Variants in HIVEP3 observed in about 807,000 individuals in gnomAD.
HIVEP3 encodes the protein HIVEP zinc finger 3.
In HIVEP3, 49 loss-of-function variants were observed where a neutral mutation model predicts 152.8. The ratio of observed to expected loss-of-function variants is 0.32; its 90% CI spans 0.26 to 0.41. The LOEUF (loss-of-function observed/expected upper bound fraction) is 0.41, where lower values mean the gene tolerates loss of function less well. Ranked by LOEUF, HIVEP3 falls within the 10% of genes least tolerant of loss-of-function variation. The pLI, the probability that HIVEP3 is intolerant of heterozygous loss-of-function variation, is 1.00. For synonymous variants in HIVEP3, 1,269 were observed against 1,289.0 expected, an observed-to-expected ratio of 0.98 and a Z score of 0.33; for missense variants, 2,790 against 3,103.3, an observed-to-expected ratio of 0.90 and a Z score of 2.40.
intron 1 of HIVEP3, among the ~76,000 whole-genome samples, chr1:41,905,200 T>G (rs1426141159): frequency 6.6e-6 from 1 of 152,284 alleles, no homozygotes; most frequent in African/African-American, 2.4e-5. Context: ...TAGTTTATAG[T>G]TATGTTTTTC....
chr1:41,529,617 ACCCCACACC>A (rs1360921160), intron 5 of HIVEP3, among the ~76,000 whole-genome samples: 2 of 57,754 alleles, frequency 3.5e-5, no homozygotes, highest in East Asian at 5.0e-4. Flanking sequence ...CACATCACTC[ACCCCACACC>A]CCCCACACCC....
At chr1:41,752,714 G>A (rs2124227111) in intron 1 of HIVEP3, among the ~76,000 whole-genome samples, 1 of 152,352 alleles carries the variant, frequency 6.6e-6, no homozygotes, top group South Asian at 2.1e-4. Context: ...AGGTGATTCT[G>A]AGGCACTCTC....
intron 1 of HIVEP3, among the ~76,000 whole-genome samples, chr1:41,770,049 A>C (rs912290927): frequency 5.3e-5 from 8 of 152,154 alleles, no homozygotes; most frequent in Non-Finnish European, 8.8e-5. Context: ...GCTCACTGCA[A>C]GCTCTGCCTC....
intron 5 of HIVEP3, among the ~76,000 whole-genome samples, chr1:41,541,656 T>C (rs1643534851): frequency 6.6e-6 from 1 of 152,194 alleles, no homozygotes; most frequent in Admixed American, 6.5e-5. Context: ...CCACCTTTTC[T>C]ATGGGCAGTA....
In HIVEP3 at chr1:41,803,494, T is replaced by C. The variant is rs192188898; in HGVS notation, c.-800-102499A>G. Among the ~76,000 whole-genome samples the C allele has an allele frequency of 2.2e-3, 342 of 152,302 alleles. 1 individual carries two copies. Among genetic ancestry groups the C allele is most frequent in the Middle Eastern group, 0.01 (3 of 294 alleles). On this transcript the variant is annotated intron_variant, in intron 1 of 8. Coordinates refer to ENST00000372583, the MANE Select transcript of HIVEP3 (RefSeq NM_024503.5). Reference sequence around the variant, plus strand: ...TGTCCTAACAGGATTGGCCCTGACATGTCTGCAAAGTGAGTCTTCCACACC... The same window carrying C: ...TGTCCTAACAGGATTGGCCCTGACACGTCTGCAAAGTGAGTCTTCCACACC...
At chr1:41,865,872 C>T (rs114948223) in intron 1 of HIVEP3, among the ~76,000 whole-genome samples, 1,948 of 151,762 alleles carry the variant, frequency 0.013, 35 homozygotes, top group African/African-American at 0.045. Flanking sequence ...TGGGATTTGG[C>T]AAAAAGGAAA....
rs533353098 is a variant in HIVEP3 at position 41,510,828 on chromosome 1, C to G, written c.6844G>C (p.Gly2282Arg). 1.2e-6 allele frequency: 2 copies of G among 1,612,894 alleles called. No individual in the cohort carries two copies. Among genetic ancestry groups the G allele is most frequent in the Non-Finnish European group, 1.7e-6 (2 of 1,179,798 alleles). ...TCAGGAGGCCTGCCCGGGCCTCCGC[C>G]GGTCCTCTCCCTCTCCTTGGGGTAG... Reference protein sequence around the residue: ...GDYPKERERTGGGPGRPPDWT... With the variant: ...GDYPKERERTRGGPGRPPDWT... The change falls in exon 9 of 9, where the codon GGC (glycine) becomes CGC (arginine). Residue 2282 changes from glycine (G) to arginine (R), a missense_variant. Around this residue, in one of 9 missense-constraint regions of HIVEP3, gnomAD observed 816 missense variants for 806.5 expected, o/e 1.01. Coordinates refer to ENST00000372583, the MANE Select transcript of HIVEP3 (RefSeq NM_024503.5).
intron 1 of HIVEP3, among the ~76,000 whole-genome samples, chr1:41,871,373 A>G (rs545580037): frequency 1.3e-5 from 2 of 151,108 alleles, no homozygotes; most frequent in African/African-American, 4.9e-5. Flanking sequence ...GAAAATGTTC[A>G]CTGTGTTAAT....
intron 1 of HIVEP3, among the ~76,000 whole-genome samples, chr1:41,911,745 T>C (rs1355115564): frequency 6.6e-6 from 1 of 152,198 alleles, no homozygotes; most frequent in African/African-American, 2.4e-5. Context: ...CACCCAACAA[T>C]GTGAATGAAT....
rs1231321925 is a variant in HIVEP3 at position 41,918,131 on chromosome 1, G to A, written c.-801+282C>T. 6.6e-6 allele frequency among the ~76,000 whole-genome samples: 1 copy of A among 151,876 alleles called. No homozygotes were observed. The highest frequency in any genetic ancestry group is 1.5e-5 in the Non-Finnish European group (1 of 67,974). On this transcript the variant is annotated intron_variant, in intron 1 of 8. Coordinates refer to ENST00000372583, the MANE Select transcript of HIVEP3 (RefSeq NM_024503.5). This position sits in a 1 kb window ranked among gnomAD's most constrained non-coding sequence, Gnocchi z 4.3. ...CCCCGCCGCCGCCGCCGCCGCCGCC[G>A]CCTGTGATTGACGCGCGGGGGTCAC...
chr1:41,596,496 T>C (rs1013373439), intron 3 of HIVEP3, among the ~76,000 whole-genome samples: 3 of 152,162 alleles, frequency 2.0e-5, no homozygotes, highest in African/African-American at 7.2e-5. Flanking sequence ...GCTTAACCAG[T>C]TCATCAGTGT....
intron 1 of HIVEP3, among the ~76,000 whole-genome samples, chr1:41,726,673 A>G (rs2124178585): frequency 6.6e-6 from 1 of 152,310 alleles, no homozygotes; most frequent in East Asian, 1.9e-4. Flanking sequence ...GAGAGGCCCA[A>G]GTGCAATACT....
chr1:41,575,611 C>G lies in HIVEP3; in HGVS notation c.5140G>C (p.Glu1714Gln). Residue 1714 changes from glutamate (E) to glutamine (Q), a missense_variant, in exon 5 of 9, where the codon GAG becomes CAG. Physicochemically the swap from Glu to Gln is conservative, Grantham distance 29. Transcript: ENST00000372583. ...GAGGCAGGAGCATCCTCCTCCGGCTCCCCTCTCCTCTCTTCTTCCTTCTCC... is the reference window on the plus strand; with the variant it reads ...GAGGCAGGAGCATCCTCCTCCGGCTGCCCTCTCCTCTCTTCTTCCTTCTCC... ...RVEKEEERRG[E>Q]PEEDAPASQR... is the part of the protein sequence containing the mutation. 6.2e-7 allele frequency: 1 copy of G among 1,614,112 alleles called. No individual in the cohort carries two copies. Among genetic ancestry groups the G allele is most frequent in the South Asian group, 1.1e-5 (1 of 91,078 alleles).
intron 1 of HIVEP3, among the ~76,000 whole-genome samples, chr1:41,718,972 T>A (rs1477605353): frequency 6.6e-6 from 1 of 152,160 alleles, no homozygotes; most frequent in Admixed American, 6.5e-5. Flanking sequence ...CTAGGCTTGA[T>A]GGACTAGGAC....
chr1:41,802,358 G>A (rs767116318), intron 1 of HIVEP3, among the ~76,000 whole-genome samples: 5 of 152,098 alleles, frequency 3.3e-5, no homozygotes, highest in Non-Finnish European at 7.4e-5. Context: ...TGGGGCCACA[G>A]GCATGTGTCA....
At chr1:41,629,953 CT>C (rs1357681527) in intron 2 of HIVEP3, among the ~76,000 whole-genome samples, 3 of 152,192 alleles carry the variant, frequency 2.0e-5, no homozygotes, top group African/African-American at 4.8e-5. Flanking sequence ...ATAAGTTATT[CT>C]GCCAAAAAGA....
chr1:41,914,801 T>G (rs1322415289), intron 1 of HIVEP3, among the ~76,000 whole-genome samples: 2 of 152,182 alleles, frequency 1.3e-5, no homozygotes, highest in Non-Finnish European at 2.9e-5. Flanking sequence ...AGGGTCTACC[T>G]CTCCTGCTCC....
At chr1:41,677,412 G>A (rs959388478) in intron 2 of HIVEP3, among the ~76,000 whole-genome samples, 7 of 152,226 alleles carry the variant, frequency 4.6e-5, no homozygotes, top group Admixed American at 1.3e-4. Flanking sequence ...TAGCTCTGCC[G>A]TGCACCAGCG....
At chr1:41,626,375 G>T (rs931716369) in intron 3 of HIVEP3, among the ~76,000 whole-genome samples, 1 of 152,222 alleles carries the variant, frequency 6.6e-6, no homozygotes, top group African/African-American at 2.4e-5. Context: ...ACAGGCAGAG[G>T]CAGGAGCCAG....
Sources: gnomAD v4.1 joint callset for allele counts (sites outside exome capture counted in the v4.1 genomes callset) on GRCh38, gnomAD v4.1.1 for gene constraint, gnomAD v4.1.1 regional missense constraint, Gnocchi (gnomAD v3.1) non-coding constraint, MANE v1.5 for transcripts, NCBI Gene and HGNC (gene_info 2026-07-23, HGNC 2026-07-21) for gene names.